Variants in KCNC2 observed in about 807,000 individuals in gnomAD.
KCNC2 encodes the protein voltage-gated potassium channel KCNC2.
Under a neutral mutation model 44.5 loss-of-function variants are expected in KCNC2, and 21 were observed. The ratio of observed to expected loss-of-function variants is 0.47; its 90% confidence interval spans 0.33 to 0.68. The LOEUF is 0.68. Ranked by LOEUF, KCNC2 falls within the 30% of genes least tolerant of loss-of-function variation. KCNC2 has a pLI of 0.01. For missense variants in KCNC2, 589 were observed against 826.2 expected, an observed-to-expected ratio of 0.71 and a Z score of 3.52; for synonymous variants, 391 against 339.1, an observed-to-expected ratio of 1.15 and a Z score of -1.68.
In KCNC2 at chr12:75,059,868, A is replaced by G. The variant is rs150416086; in HGVS notation, c.688-8551T>C. 4.4e-3 allele frequency among the ~76,000 whole-genome samples: 675 copies of G among 152,226 alleles called. 3 individuals carry two copies. The highest frequency in any genetic ancestry group is 0.015 in the African/African-American group (625 of 41,552). On this transcript the variant is annotated intron_variant, in intron 2 of 4. Transcript: ENST00000549446. ...ACAATAATCATAAATATCTAGGTCT[A>G]TTGCTTAAATATTGGAATGTCTTAA...
rs185818021 is a variant in KCNC2 at position 75,093,851 on chromosome 12, C to T, written c.688-42534G>A. Among the ~76,000 whole-genome samples the T allele has an allele frequency of 1.3e-3, 198 of 151,676 alleles. 1 individual carries two copies. The highest frequency in any genetic ancestry group is 2.0e-3 in the Non-Finnish European group (133 of 67,678). ...CTGACCAGCAAGAAAACTGAGGTAA[C>T]GTGAGACTGTTTCACTAGAAGGTCC... On this transcript the variant is annotated intron_variant, in intron 2 of 4. Coordinates refer to ENST00000549446, the MANE Select transcript of KCNC2 (RefSeq NM_139137.4).
chr12:75,184,930 A>C (rs1172626606), intron 2 of KCNC2, among the ~76,000 whole-genome samples: 1 of 152,216 alleles, frequency 6.6e-6, no homozygotes, highest in East Asian at 1.9e-4. Flanking sequence ...TGATTGTGAC[A>C]GTTGATATCT....
chr12:75,170,694 G>A (rs1363476623), intron 2 of KCNC2, among the ~76,000 whole-genome samples: 5 of 151,450 alleles, frequency 3.3e-5, no homozygotes, highest in Non-Finnish European at 7.4e-5. Context: ...CGTTGATGTT[G>A]AACTTTTTTT....
chr12:75,181,939 TTTTTTTTTTTTTTTTG>T (rs1892608409), intron 2 of KCNC2, among the ~76,000 whole-genome samples: 7 of 118,132 alleles, frequency 5.9e-5, no homozygotes, highest in East Asian at 2.5e-4. Flanking sequence ...TTTTTTTTTT[TTTTTTTTTTTTTTTTG>T]TAGAGACAAG....
chr12:75,208,035 G>T, intron 1 of KCNC2, 33 bp from the exon 2 acceptor site: 1 of 1,604,962 alleles, frequency 6.2e-7, no homozygotes, highest in Middle Eastern at 1.7e-4. Context: ...CCGAGTTAAA[G>T]ATCTTAGCCG....
chr12:75,161,414 T>C (rs917705349), intron 2 of KCNC2, among the ~76,000 whole-genome samples: 67 of 151,746 alleles, frequency 4.4e-4, no homozygotes, highest in African/African-American at 1.6e-3. Context: ...AATGTAAACA[T>C]ATTCTGTCAA....
intron 2 of KCNC2, among the ~76,000 whole-genome samples, chr12:75,191,398 T>A (rs535456551): frequency 1.3e-5 from 2 of 151,254 alleles, no homozygotes; most frequent in African/African-American, 2.4e-5. Context: ...TAAAAATATT[T>A]AAATTTATGA....
intron 2 of KCNC2, among the ~76,000 whole-genome samples, chr12:75,155,135 G>T (rs573238269): frequency 1.3e-5 from 2 of 151,078 alleles, no homozygotes; most frequent in African/African-American, 4.9e-5. Context: ...AAAAAAAAAC[G>T]CCCCTCTTTA....
At chr12:75,090,090 G>T (rs983136817) in intron 2 of KCNC2, among the ~76,000 whole-genome samples, 6 of 151,610 alleles carry the variant, frequency 4.0e-5, no homozygotes, top group African/African-American at 1.5e-4. Flanking sequence ...TGATTTGGGG[G>T]TGCTCCCTTA....
chr12:75,169,246 A>T (rs1423111926), intron 2 of KCNC2, among the ~76,000 whole-genome samples: 1 of 151,592 alleles, frequency 6.6e-6, no homozygotes, highest in African/African-American at 2.4e-5. Flanking sequence ...CACATAGAGC[A>T]GTACCTGGCA....
chr12:75,082,427 G>T (rs997233033), intron 2 of KCNC2, among the ~76,000 whole-genome samples: 1 of 151,616 alleles, frequency 6.6e-6, no homozygotes, highest in African/African-American at 2.4e-5. Context: ...TTGTTATTCT[G>T]GTTGTCAGAA....
At chr12:75,170,777 C>G (rs112076923) in intron 2 of KCNC2, among the ~76,000 whole-genome samples, 3 of 151,712 alleles carry the variant, frequency 2.0e-5, no homozygotes, top group Non-Finnish European at 2.9e-5. Context: ...AACTTCTCCA[C>G]GTTTCAGGGC....
intron 2 of KCNC2, among the ~76,000 whole-genome samples, chr12:75,059,996 T>C (rs1005174382): frequency 6.6e-6 from 1 of 152,106 alleles, no homozygotes; most frequent in Non-Finnish European, 1.5e-5. Context: ...CGTTTTATAA[T>C]AGTAATTCCG....
At chr12:75,162,574 C>T (rs1403713084) in intron 2 of KCNC2, among the ~76,000 whole-genome samples, 1 of 151,690 alleles carries the variant, frequency 6.6e-6, no homozygotes, top group African/African-American at 2.4e-5. Flanking sequence ...ATCATGACAT[C>T]CTTTTGCCCT....
chr12:75,207,772 G>T lies in KCNC2; in HGVS notation c.212C>A (p.Ser71Tyr), dbSNP rs1440671545. The T allele has an allele frequency of 6.3e-7, 1 of 1,578,732 alleles. No homozygotes were observed. The highest frequency in any genetic ancestry group is 8.6e-7 in the Non-Finnish European group (1 of 1,163,334). Residue 71 changes from serine (S) to tyrosine (Y), a missense_variant, in exon 2 of 5, where the codon TCC becomes TAC. This residue lies in a region of KCNC2 where 148 missense variants were observed against 140.1 expected (regional missense o/e 1.06). Coordinates refer to ENST00000549446, the MANE Select transcript of KCNC2 (RefSeq NM_139137.4). This position sits in a 1 kb window ranked among gnomAD's most constrained non-coding sequence, Gnocchi z 4.1. ...CTCGAAGCAGCCGCCTGGCCCGGGGGACAGCGGGGGCGCTCTCGGCGGCGG... is the reference window on the plus strand; with the variant it reads ...CTCGAAGCAGCCGCCTGGCCCGGGGTACAGCGGGGGCGCTCTCGGCGGCGG... ...LSPPPRAPPL[S>Y]PGPGGCFEGG...
intron 2 of KCNC2, among the ~76,000 whole-genome samples, chr12:75,148,650 C>G (rs571285909): frequency 6.6e-6 from 1 of 152,010 alleles, no homozygotes; most frequent in South Asian, 2.1e-4. Context: ...AATAAAATTA[C>G]ATTACTTTTT....
Position 75,042,940 on chromosome 12 carries a change from T to G in KCNC2, c.*165A>C. The stretch of plus-strand genomic sequence containing the variant: ...ATCTTTAAAGCCTGGGTAAGATTCA[T>G]TAGCTACCCAAGTGGCATTTCTGAC... On this transcript the variant is annotated 3_prime_UTR_variant, in exon 5 of 5. Transcript: ENST00000549446. 7.1e-7 allele frequency: 1 copy of G among 1,406,992 alleles called. No homozygotes were observed. Among genetic ancestry groups the G allele is most frequent in the Non-Finnish European group, 9.2e-7 (1 of 1,082,296 alleles). The allele number at this position is 1,406,992 out of a possible 1,614,324, so 87.2% of individuals were successfully genotyped here.
intron 2 of KCNC2, among the ~76,000 whole-genome samples, chr12:75,116,051 A>C (rs1303952087): frequency 6.6e-6 from 1 of 152,194 alleles, no homozygotes; most frequent in Non-Finnish European, 1.5e-5. Flanking sequence ...CTTGTGCTTT[A>C]TATTTTTAAA....
At chr12:75,066,013 G>C (rs1187804496) in intron 2 of KCNC2, among the ~76,000 whole-genome samples, 1 of 151,968 alleles carries the variant, frequency 6.6e-6, no homozygotes, top group Non-Finnish European at 1.5e-5. Flanking sequence ...ACTTCATCTA[G>C]AGAGACAAAA....
Sources: gnomAD v4.1 joint callset for allele counts (sites outside exome capture counted in the v4.1 genomes callset) on GRCh38, gnomAD v4.1.1 for gene constraint, gnomAD v4.1.1 regional missense constraint, Gnocchi (gnomAD v3.1) non-coding constraint, MANE v1.5 for transcripts, NCBI Gene and HGNC (gene_info 2026-07-23, HGNC 2026-07-21) for gene names.